Variants in TATDN3 observed in about 807,000 individuals in gnomAD.
TATDN3 encodes the protein deoxyribonuclease TATDN3.
In TATDN3, 29 loss-of-function variants were observed where a neutral mutation model predicts 40.1. The observed-to-expected ratio is 0.72, with a 90% confidence interval of 0.54 to 0.99. The LOEUF is 0.99. Among genes scored for constraint, TATDN3 ranks in the 50% least tolerant of loss-of-function variants. The pLI is 0.00. For missense variants in TATDN3, 309 were observed against 321.9 expected, an observed-to-expected ratio of 0.96 and a Z score of 0.31; for synonymous variants, 105 against 117.0, an observed-to-expected ratio of 0.90 and a Z score of 0.66.
intron 1 of TATDN3, among the ~76,000 whole-genome samples, chr1:212,792,245 C>G (rs1301204001): frequency 6.6e-6 from 1 of 152,174 alleles, no homozygotes; most frequent in African/African-American, 2.4e-5. Flanking sequence ...GAATCGTTCC[C>G]TCACTCCCCT....
rs1662346971 is a variant in TATDN3, at chr1:212,804,583, T to C, written c.432-13T>C. On this transcript the variant is annotated splice_polypyrimidine_tract_variant and intron_variant, in intron 6 of 9. Transcript: ENST00000366974. ...GAATGGTACTTAAAAGAAATGTTGT[T>C]ATCGTTAAACAGAAATGTGCACTCA... 6.2e-7 allele frequency: 1 copy of C among 1,611,708 alleles called. No homozygotes were observed. The highest frequency in any genetic ancestry group is 1.7e-5 in the Admixed American group (1 of 59,528).
intron 4 of TATDN3, among the ~76,000 whole-genome samples, chr1:212,799,784 C>T (rs1173697726): frequency 2.0e-5 from 3 of 152,148 alleles, no homozygotes; most frequent in African/African-American, 2.4e-5. Flanking sequence ...AGTGATCCAC[C>T]TGCCTTGGCC....
At chr1:212,813,084 A>G (rs1662986098) in intron 9 of TATDN3, among the ~76,000 whole-genome samples, 2 of 152,182 alleles carry the variant, frequency 1.3e-5, no homozygotes, top group African/African-American at 4.8e-5. Flanking sequence ...TCTGGTATAC[A>G]GTAGGTATTC....
In TATDN3 at chr1:212,791,951, C is replaced by A; in HGVS notation, c.30C>A (p.Asp10Glu). The change falls in exon 1 of 10, where the codon GAC becomes GAA. Residue 10 changes from aspartate (D) to glutamate (E), a missense_variant. By Grantham distance (45) the Asp-to-Glu change is conservative. Coordinates refer to ENST00000366974, the MANE Select transcript of TATDN3 (RefSeq NM_001042552.3). ...GAGCGGCTGGCGTAGGCTTGGTGGACTGTCACTGCCACCTCTCCGCCCCGG... is the reference window on the plus strand; with the variant it reads ...GAGCGGCTGGCGTAGGCTTGGTGGAATGTCACTGCCACCTCTCCGCCCCGG... MRAAGVGLV[D>E]CHCHLSAPDF... The A allele has an allele frequency of 6.2e-7, 1 of 1,613,968 alleles. No individual in the cohort carries two copies. Among genetic ancestry groups the A allele is most frequent in the Non-Finnish European group, 8.5e-7 (1 of 1,179,970 alleles).
At chr1:212,807,872 T>C (rs76865094) in intron 8 of TATDN3, 24 bp downstream of exon 8, 44,313 of 1,432,086 alleles carry the variant, frequency 0.031, 838 homozygotes, top group South Asian at 0.044. Context: ...TTGAAACTCA[T>C]CTAATACTTA....
At position 212,815,223 on chromosome 1, in the gene TATDN3, C is replaced by G. The variant is rs145001124; in HGVS notation, c.*67C>G. 219 of 1,518,444 alleles carry G rather than the reference C, an allele frequency of 1.4e-4. 2 individuals are homozygous for G. The African/African-American group carries it at 2.8e-3, about 20-fold the overall frequency. 94.1% of individuals were successfully genotyped at this position (1,518,444 alleles called of 1,614,324 possible). ...GCAGCATTTGAAAAATAGAAATGTT[C>G]TGATGAAGAATCTGAACTGAAGAAG... On this transcript the variant is annotated 3_prime_UTR_variant, in exon 10 of 10. Coordinates refer to ENST00000366974, the MANE Select transcript of TATDN3 (RefSeq NM_001042552.3).
intron 8 of TATDN3, among the ~76,000 whole-genome samples, chr1:212,811,892 G>T (rs1247080213): frequency 2.0e-5 from 3 of 152,004 alleles, no homozygotes; most frequent in Non-Finnish European, 4.4e-5. Context: ...CAGTAGAGAT[G>T]GGGTTTCACC....
Position 212,816,646 on chromosome 1 carries a change from A to G in TATDN3, c.*1490A>G, listed in dbSNP as rs1257812925. On this transcript the variant is annotated 3_prime_UTR_variant, in exon 10 of 10. Coordinates refer to ENST00000366974, the MANE Select transcript of TATDN3 (RefSeq NM_001042552.3). ...AAGTGATTTTATGAAATGATCTTCA[A>G]TAAATATTTTGAAATGAATTCATTT... is the stretch of plus-strand genomic sequence containing the variant. 1.3e-5 allele frequency: 2 copies of G among 152,254 alleles called. No individual in the cohort carries two copies. The highest frequency in any genetic ancestry group is 2.9e-5 in the Non-Finnish European group (2 of 68,042). The allele number at this position is 152,254 out of a possible 1,614,324, so 9.4% of individuals were successfully genotyped here.
intron 3 of TATDN3, 57 bp downstream of exon 3, chr1:212,796,647 C>A: frequency 8.2e-7 from 1 of 1,213,752 alleles, no homozygotes; most frequent in Non-Finnish European, 1.2e-6. Context: ...GTTATGACAT[C>A]CAGTTTATAA....
intron 7 of TATDN3, among the ~76,000 whole-genome samples, chr1:212,804,994 C>G (rs1662372546): frequency 6.6e-6 from 1 of 152,210 alleles, no homozygotes; most frequent in Admixed American, 6.5e-5. Context: ...CGGAGTCTCA[C>G]TCTGTTGCCC....
At chr1:212,813,309 G>A (rs1315392898) in intron 9 of TATDN3, among the ~76,000 whole-genome samples, 1 of 152,070 alleles carries the variant, frequency 6.6e-6, no homozygotes, top group Non-Finnish European at 1.5e-5. Context: ...GTAAGCCACA[G>A]TATATGCTTT....
At chr1:212,803,836 G>A (rs1157057921) in intron 5 of TATDN3, among the ~76,000 whole-genome samples, 1 of 151,962 alleles carries the variant, frequency 6.6e-6, no homozygotes, top group African/African-American at 2.4e-5. Flanking sequence ...AGGAATTTGA[G>A]ACCAGCCTGA....
rs200124465 is a variant in TATDN3 at position 212,816,198 on chromosome 1, G to A, written c.*1042G>A. The A allele has an allele frequency of 6.6e-6, 1 of 152,170 alleles. No homozygotes were observed. The highest frequency in any genetic ancestry group is 1.9e-4 in the East Asian group (1 of 5,204). 9.4% of individuals were successfully genotyped at this position (152,170 alleles called of 1,614,324 possible). A position where few individuals can be genotyped will look rare whatever the true frequency, so the allele number is the denominator to read the frequency against. The stretch of plus-strand genomic sequence containing the variant: ...TTTAAGTTTAAAAATGTTAGTGTAA[G>A]CCAGGCACAGTGGCATTCACCTGTA... On this transcript the variant is annotated 3_prime_UTR_variant, in exon 10 of 10. Transcript: ENST00000366974.
chr1:212,795,173 A>C, intron 2 of TATDN3, 46 bp downstream of exon 2: 6 of 1,521,222 alleles, frequency 3.9e-6, no homozygotes, highest in Non-Finnish European at 5.5e-6. Flanking sequence ...TATTTTAACT[A>C]TCATTTCAAG....
At chr1:212,792,026 G>GC (rs1661339245) in intron 1 of TATDN3, 39 bp downstream of exon 1, 2 of 1,600,678 alleles carry the variant, frequency 1.2e-6, no homozygotes, top group Non-Finnish European at 1.7e-6. Context: ...GAGCAGGGAG[G>GC]CCCCCGTCCT....
intron 7 of TATDN3, among the ~76,000 whole-genome samples, chr1:212,806,982 C>T (rs868512858): frequency 4.1e-5 from 6 of 147,938 alleles, no homozygotes; most frequent in Middle Eastern, 3.5e-3. Flanking sequence ...CTCACTCTGT[C>T]GCCCAGGCTG....
At chr1:212,802,302 C>T (rs917891488) in intron 4 of TATDN3, among the ~76,000 whole-genome samples, 3 of 152,184 alleles carry the variant, frequency 2.0e-5, no homozygotes, top group South Asian at 2.1e-4. Flanking sequence ...ACCAACCAGA[C>T]GAATTCTAAG....
intron 9 of TATDN3, among the ~76,000 whole-genome samples, chr1:212,814,463 A>G (rs1663078646): frequency 6.6e-6 from 1 of 152,216 alleles, no homozygotes; most frequent in Non-Finnish European, 1.5e-5. Flanking sequence ...TAAGAAAGAA[A>G]AAACACTGCC....
rs1317797927 is a variant in TATDN3 at position 212,807,758 on chromosome 1, T to C, written c.510T>C (p.His170=). 6.2e-7 allele frequency: 1 copy of C among 1,613,482 alleles called. No homozygotes were observed. Among genetic ancestry groups the C allele is most frequent in the Admixed American group, 1.7e-5 (1 of 59,818 alleles). Residue 170 remains histidine, a synonymous_variant, in exon 8 of 10, where the codon CAT becomes CAC. Transcript: ENST00000366974. ...QEQGAEKVLL[H]AFDGRPSVAM... ...AAGGTGCTGAGAAGGTACTGCTGCA[T>C]GCATTTGATGGTCGGCCATCTGTAG...
Sources: allele counts gnomAD v4.1 joint callset (sites outside exome capture counted in the v4.1 genomes callset), GRCh38; gene constraint gnomAD v4.1.1; transcripts MANE v1.5; gene names NCBI Gene and HGNC (gene_info 2026-07-23, HGNC 2026-07-21).